The following NUDCD1 variants were observed in gnomAD, a reference collection of about 807,000 sequenced individuals.
The protein encoded by NUDCD1 is nudC domain-containing protein 1.
NUDCD1 carries 60 observed loss-of-function variants against 67.8 expected under a neutral mutation model. The ratio of observed to expected loss-of-function variants is 0.88; its 90% CI spans 0.72 to 1.10. The LOEUF (loss-of-function observed/expected upper bound fraction) is 1.10, where lower values mean the gene tolerates loss of function less well. Among genes scored for constraint, NUDCD1 ranks in the 50% least tolerant of loss-of-function variants. The pLI, the probability that NUDCD1 is intolerant of heterozygous loss-of-function variation, is 0.00. For missense variants in NUDCD1, 643 were observed against 695.0 expected, an observed-to-expected ratio of 0.93 and a Z score of 0.84; for synonymous variants, 244 against 230.8, an observed-to-expected ratio of 1.06 and a Z score of -0.52.
chr8:109,279,331 A>C (rs1814374954), intron 6 of NUDCD1, among the ~76,000 whole-genome samples: 1 of 152,120 alleles, frequency 6.6e-6, no homozygotes, highest in South Asian at 2.1e-4. Context: ...GTCTCACTCT[A>C]GTTTTAATTT....
intron 2 of NUDCD1, among the ~76,000 whole-genome samples, chr8:109,299,844 G>A (rs932572999): frequency 2.0e-5 from 3 of 152,142 alleles, no homozygotes; most frequent in African/African-American, 7.2e-5. Context: ...TCCTCACAGA[G>A]TCCATTTCAC....
At chr8:109,273,686 C>A (rs1370737601) in intron 7 of NUDCD1, among the ~76,000 whole-genome samples, 3 of 151,944 alleles carry the variant, frequency 2.0e-5, no homozygotes, top group Non-Finnish European at 4.4e-5. Context: ...TAAGTGCCTT[C>A]CAAAAAAGCA....
intron 1 of NUDCD1, among the ~76,000 whole-genome samples, chr8:109,326,502 GA>G (rs1302291045): frequency 6.6e-6 from 1 of 152,200 alleles, no homozygotes; most frequent in African/African-American, 2.4e-5. Context: ...AGGGGGCAGC[GA>G]GGCTTCAATC....
chr8:109,290,399 C>G (rs1257028174), intron 4 of NUDCD1, among the ~76,000 whole-genome samples: 2 of 152,086 alleles, frequency 1.3e-5, no homozygotes, highest in Non-Finnish European at 2.9e-5. Context: ...TATGACCTAC[C>G]TCTCCTTGAC....
intron 6 of NUDCD1, 51 bp downstream of exon 6, chr8:109,280,917 A>C (rs746926153): frequency 2.4e-5 from 22 of 904,714 alleles, no homozygotes; most frequent in Non-Finnish European, 3.3e-5. Flanking sequence ...AAGAGTAAAA[A>C]GAAAAGAAAA....
At chr8:109,304,777 T>C (rs2130073274) in intron 2 of NUDCD1, among the ~76,000 whole-genome samples, 1 of 152,286 alleles carries the variant, frequency 6.6e-6, no homozygotes, top group Middle Eastern at 3.4e-3. Flanking sequence ...AGGGTAACGC[T>C]TATGCTGATA....
At chr8:109,315,167 G>A (rs989655755) in intron 2 of NUDCD1, 6 of 143,854 alleles carry the variant, frequency 4.2e-5, no homozygotes, top group Admixed American at 1.5e-4. Context: ...ACAGTTCTAC[G>A]TATTTACCCC....
intron 7 of NUDCD1, among the ~76,000 whole-genome samples, chr8:109,274,112 A>G (rs1814221435): frequency 6.6e-6 from 1 of 152,244 alleles, no homozygotes; most frequent in African/African-American, 2.4e-5. Flanking sequence ...AAAGTCGATT[A>G]TTTTCCCCAA....
chr8:109,307,282 A>G (rs918036036), intron 2 of NUDCD1, among the ~76,000 whole-genome samples: 3 of 152,222 alleles, frequency 2.0e-5, no homozygotes, highest in African/African-American at 7.2e-5. Context: ...AATATTCTCT[A>G]TGCCCTTAAG....
intron 8 of NUDCD1, among the ~76,000 whole-genome samples, chr8:109,248,016 G>A (rs1813537963): frequency 6.6e-6 from 1 of 152,116 alleles, no homozygotes; most frequent in Admixed American, 6.5e-5. Context: ...TGGAATATGT[G>A]GGTAGACTCA....
intron 9 of NUDCD1, among the ~76,000 whole-genome samples, chr8:109,244,972 G>A (rs947038848): frequency 1.3e-5 from 2 of 152,130 alleles, no homozygotes; most frequent in Admixed American, 1.3e-4. Context: ...GAAGAAACTT[G>A]AACACCAGTT....
chr8:109,243,511 A>C (rs752409351), intron 9 of NUDCD1, among the ~76,000 whole-genome samples: 1 of 152,176 alleles, frequency 6.6e-6, no homozygotes, highest in Non-Finnish European at 1.5e-5. Context: ...TTAATTCCTA[A>C]GGAACAAAAC....
intron 7 of NUDCD1, among the ~76,000 whole-genome samples, chr8:109,271,513 T>G (rs904590066): frequency 6.6e-6 from 1 of 151,940 alleles, no homozygotes; most frequent in Non-Finnish European, 1.5e-5. Flanking sequence ...AAAATAGCAA[T>G]AGTGACTACA....
intron 4 of NUDCD1, 60 bp from the exon 5 acceptor site, chr8:109,289,993 T>C (rs1204232745): frequency 2.7e-6 from 2 of 747,224 alleles, no homozygotes; most frequent in Non-Finnish European, 4.1e-6. Flanking sequence ...CAAAATATTC[T>C]GATATTTAAA....
chr8:109,296,617 C>T (rs1294848773), intron 2 of NUDCD1, 48 bp from the exon 3 acceptor site: 1 of 1,226,888 alleles, frequency 8.2e-7, no homozygotes, highest in African/African-American at 1.5e-5. Flanking sequence ...TTCACTGATC[C>T]ACACACACAA....
chr8:109,314,991 T>C (rs747355765), intron 2 of NUDCD1, among the ~76,000 whole-genome samples: 1 of 152,178 alleles, frequency 6.6e-6, no homozygotes, highest in Non-Finnish European at 1.5e-5. Flanking sequence ...TATTAGATAC[T>C]ATTTACTAGT....
intron 3 of NUDCD1, 40 bp from the exon 4 acceptor site, chr8:109,293,564 T>C: frequency 8.8e-7 from 1 of 1,136,676 alleles, no homozygotes; most frequent in Non-Finnish European, 1.2e-6. Context: ...GTGTACATAA[T>C]TACATGAACA....
chr8:109,259,981 A>C (rs1813827949), intron 8 of NUDCD1, among the ~76,000 whole-genome samples: 1 of 152,222 alleles, frequency 6.6e-6, no homozygotes, highest in Admixed American at 6.5e-5. Flanking sequence ...ATTAGGACAC[A>C]ATAAAAATAT....
At chr8:109,266,452 G>C (rs573672195) in intron 8 of NUDCD1, among the ~76,000 whole-genome samples, 8 of 137,102 alleles carry the variant, frequency 5.8e-5, no homozygotes, top group African/African-American at 2.2e-4. Flanking sequence ...CACTGTGTTA[G>C]CCAGGATGGT....
Sources: gnomAD v4.1 joint callset for allele counts (sites outside exome capture counted in the v4.1 genomes callset) on GRCh38, gnomAD v4.1.1 for gene constraint, MANE v1.5 for transcripts, NCBI Gene and HGNC (gene_info 2026-07-23, HGNC 2026-07-21) for gene names.